Variants in LYZL2 observed in about 807,000 individuals in gnomAD.
LYZL2 encodes lysozyme like 2, also known as lysozyme-like protein 2.
A neutral mutation model predicts 17.1 loss-of-function variants in LYZL2; 13 were observed. The observed-to-expected ratio is 0.76, with a 90% CI of 0.49 to 1.21. The LOEUF (loss-of-function observed/expected upper bound fraction) is 1.21. Among genes scored for constraint, LYZL2 ranks in the 50% most tolerant of loss-of-function variants. The pLI is 0.00. For missense variants in LYZL2, 166 were observed against 189.2 expected (o/e 0.88, Z 0.72); for synonymous variants, 63 against 74.4 (o/e 0.85, Z 0.79).
chr10:30,618,617 G>A (rs1190206515), intron 3 of LYZL2, among the ~76,000 whole-genome samples: 1 of 152,076 alleles, frequency 6.6e-6, no homozygotes, highest in Non-Finnish European at 1.5e-5. Context: ...AAAATTGGCA[G>A]GCCATATGTA....
intron 3 of LYZL2, among the ~76,000 whole-genome samples, chr10:30,617,674 C>CAAAAAAAAAAAAAAAAAAAAAAAAAA (rs1165550893): frequency 3.0e-4 from 15 of 50,206 alleles, no homozygotes; most frequent in East Asian, 1.1e-3. Context: ...GACTCTGTCT[C>CAAAAAAAAAAAAAAAAAAAAAAAAAA]AAAAAAAAAA....
chr10:30,612,312 G>A lies in LYZL2; in HGVS notation c.378-288C>T, dbSNP rs191422352. ...AATTCGGGTTCCCTGAGTGGGGCCG[G>A]CTGGCAATGTTCACCAGAACACAGC... On this transcript the variant is annotated intron_variant, in intron 4 of 4. Transcript: ENST00000647634. Among the ~76,000 whole-genome samples the A allele has an allele frequency of 8.1e-4, 124 of 152,332 alleles. 2 individuals are homozygous for A. The highest frequency in any genetic ancestry group is 3.7e-4 in the Non-Finnish European group (25 of 68,028).
intron 3 of LYZL2, among the ~76,000 whole-genome samples, chr10:30,619,714 T>G (rs925861234): frequency 1.3e-5 from 2 of 151,820 alleles, no homozygotes; most frequent in Admixed American, 6.6e-5. Flanking sequence ...CATTAGGAGA[T>G]ATACCTAATG....
chr10:30,607,045 G>A (rs1838384736), downstream of LYZL2, among the ~76,000 whole-genome samples: 1 of 151,134 alleles, frequency 6.6e-6, no homozygotes, highest in South Asian at 2.1e-4. Flanking sequence ...TGAGTAGCTG[G>A]GATTACAGGC....
chr10:30,624,254 T>C (rs1212231040), intron 3 of LYZL2, among the ~76,000 whole-genome samples: 1 of 151,898 alleles, frequency 6.6e-6, no homozygotes, highest in Non-Finnish European at 1.5e-5. Context: ...TCTGGAGGGG[T>C]TTAAATAAGA....
chr10:30,617,714 A>AAAAAAAAAAAAAAAAAAAAG (rs1838557132), intron 3 of LYZL2, among the ~76,000 whole-genome samples: 1 of 150,710 alleles, frequency 6.6e-6, no homozygotes, highest in African/African-American at 2.4e-5. Flanking sequence ...GAAAAAGAAA[A>AAAAAAAAAAAAAAAAAAAAG]AAAAGAAAAG....
Position 30,612,872 on chromosome 10 carries a change from C to T in LYZL2, c.327G>A (p.Ala109=), listed in dbSNP as rs1054555. 5.6e-6 allele frequency: 9 copies of T among 1,613,834 alleles called. No homozygotes were observed. The South Asian group carries it at 8.8e-5, about 16-fold the overall frequency. ...TAACAATTTTCTTGGCACAGATAAT[C>T]GCATCTGTGAGGTCATCAGTGACCA... The part of the protein sequence containing the change: ...SALVTDDLTD[A]IICAKKIVKE... Residue 109 remains alanine (A), a synonymous_variant, in exon 4 of 5, where the codon GCG becomes GCA. Coordinates refer to ENST00000647634, the MANE Select transcript of LYZL2 (RefSeq NM_183058.3).
chr10:30,612,257 G>A (rs1838457876), intron 4 of LYZL2, among the ~76,000 whole-genome samples: 1 of 152,304 alleles, frequency 6.6e-6, no homozygotes, highest in Middle Eastern at 3.4e-3. Context: ...GTAAGGATGG[G>A]TCATTCCATG....
At chr10:30,608,334 C>T (rs441966), downstream of LYZL2, among the ~76,000 whole-genome samples, 74,347 of 152,064 alleles carry the variant, frequency 0.49, 18,971 homozygotes, top group Middle Eastern at 0.57. Context: ...ATATCTAGAT[C>T]ATTTTCCTTC....
At chr10:30,614,102 C>T (rs982918517) in intron 3 of LYZL2, among the ~76,000 whole-genome samples, 3 of 152,318 alleles carry the variant, frequency 2.0e-5, no homozygotes, top group Non-Finnish European at 4.4e-5. Context: ...TGCTTAGAAG[C>T]GGCCTCAAAA....
At chr10:30,612,942 G>T (rs112918769) in intron 3 of LYZL2, 42 bp from the exon 4 acceptor site, 2 of 1,487,460 alleles carry the variant, frequency 1.3e-6, no homozygotes, top group Non-Finnish European at 1.9e-6. Context: ...AGACTTTGTT[G>T]TTGGAGAGGG....
chr10:30,621,244 T>G (rs185666252), intron 3 of LYZL2, among the ~76,000 whole-genome samples: 1 of 152,134 alleles, frequency 6.6e-6, no homozygotes, highest in Admixed American at 6.5e-5. Context: ...ATCACTGGTT[T>G]CCCATCATAC....
intron 1 of LYZL2, among the ~76,000 whole-genome samples, chr10:30,627,911 G>A (rs1340257280): frequency 6.6e-6 from 1 of 152,220 alleles, no homozygotes; most frequent in African/African-American, 2.4e-5. Flanking sequence ...TGTAATCCCG[G>A]CACTTTGGGA....
chr10:30,619,618 A>G (rs976503566), intron 3 of LYZL2, among the ~76,000 whole-genome samples: 3 of 142,450 alleles, frequency 2.1e-5, no homozygotes, highest in African/African-American at 7.6e-5. Context: ...ATAGGTGGGA[A>G]TTGAACAATG....
downstream of LYZL2, among the ~76,000 whole-genome samples, chr10:30,608,750 C>T (rs1838401186): frequency 6.6e-6 from 1 of 152,142 alleles, no homozygotes; most frequent in Non-Finnish European, 1.5e-5. Flanking sequence ...GATTTGAAAA[C>T]AAAAATGTTC....
chr10:30,607,314 T>A (rs1478446458), downstream of LYZL2, among the ~76,000 whole-genome samples: 1 of 151,990 alleles, frequency 6.6e-6, no homozygotes, highest in East Asian at 1.9e-4. Flanking sequence ...AGTAAAACAA[T>A]GCCTCCATTC....
At chr10:30,619,673 G>A (rs1838588965) in intron 3 of LYZL2, among the ~76,000 whole-genome samples, 1 of 122,550 alleles carries the variant, frequency 8.2e-6, no homozygotes, top group Non-Finnish European at 1.6e-5. Context: ...ACCGGGGACT[G>A]TTGTGGGGTG....
intron 4 of LYZL2, 27 bp downstream of exon 4, chr10:30,612,795 C>A (rs770558056): frequency 6.8e-7 from 1 of 1,461,316 alleles, no homozygotes; most frequent in South Asian, 1.1e-5. Flanking sequence ...CCATGACAGC[C>A]CAAGTCTTCC....
chr10:30,619,746 G>A (rs1346609451), intron 3 of LYZL2, among the ~76,000 whole-genome samples: 1 of 151,934 alleles, frequency 6.6e-6, no homozygotes, highest in Non-Finnish European at 1.5e-5. Context: ...GTTAATGAGT[G>A]CAGCACACCA....
Sources: allele counts gnomAD v4.1 joint callset (sites outside exome capture counted in the v4.1 genomes callset), GRCh38; gene constraint gnomAD v4.1.1; transcripts MANE v1.5; gene names NCBI Gene and HGNC (gene_info 2026-07-23, HGNC 2026-07-21).